The following SPIRE1 variants were observed in gnomAD, a reference collection of about 807,000 sequenced individuals.
SPIRE1 encodes the protein spire type actin nucleation factor 1.
SPIRE1 carries 40 observed loss-of-function variants against 94.1 expected under a neutral mutation model. That is an observed-to-expected ratio of 0.43 (90% CI 0.33 to 0.55). The LOEUF (loss-of-function observed/expected upper bound fraction) is 0.55. Ranked by LOEUF, SPIRE1 falls within the 20% of genes least tolerant of loss-of-function variation. The pLI is 0.06. For synonymous variants in SPIRE1, 376 were observed against 371.7 expected, an observed-to-expected ratio of 1.01 and a Z score of -0.13; for missense variants, 838 against 975.2, an observed-to-expected ratio of 0.86 and a Z score of 1.87.
At chr18:12,487,654 A>G (rs1408475573) in intron 8 of SPIRE1, among the ~76,000 whole-genome samples, 4 of 152,130 alleles carry the variant, frequency 2.6e-5, no homozygotes, top group Non-Finnish European at 4.4e-5. Context: ...GGCCTCCCAA[A>G]GTGCTAGGAT....
intron 2 of SPIRE1, among the ~76,000 whole-genome samples, chr18:12,551,308 T>C (rs1305296730): frequency 6.6e-6 from 1 of 152,216 alleles, no homozygotes; most frequent in Non-Finnish European, 1.5e-5. Context: ...TAAGTTGTTT[T>C]ATAACAGTAA....
chr18:12,632,001 T>C (rs1472767992), intron 2 of SPIRE1, among the ~76,000 whole-genome samples: 2 of 151,296 alleles, frequency 1.3e-5, no homozygotes, highest in Non-Finnish European at 2.9e-5. Flanking sequence ...GCCGTTATCA[T>C]GGCACTGCAC....
chr18:12,569,865 A>G (rs2035921275), intron 2 of SPIRE1, among the ~76,000 whole-genome samples: 1 of 152,222 alleles, frequency 6.6e-6, no homozygotes, highest in Admixed American at 6.5e-5. Flanking sequence ...AACCAATTGA[A>G]ATGGGGTAGA....
chr18:12,531,628 G>C (rs1262520219), intron 4 of SPIRE1, among the ~76,000 whole-genome samples: 1 of 152,136 alleles, frequency 6.6e-6, no homozygotes, highest in Non-Finnish European at 1.5e-5. Flanking sequence ...AGAGTCACAG[G>C]ATTGTTACAA....
chr18:12,466,890 C>A (rs982173557), intron 10 of SPIRE1, among the ~76,000 whole-genome samples: 8 of 152,110 alleles, frequency 5.3e-5, no homozygotes, highest in African/African-American at 1.9e-4. Context: ...CTAAAACCTA[C>A]TGCTGAAATC....
chr18:12,484,742 T>C (rs1382533074), intron 9 of SPIRE1, among the ~76,000 whole-genome samples: 1 of 152,108 alleles, frequency 6.6e-6, no homozygotes, highest in Non-Finnish European at 1.5e-5. Flanking sequence ...GCAAAATATT[T>C]TATTGGGATT....
At chr18:12,532,692 A>G (rs1197862719) in intron 4 of SPIRE1, among the ~76,000 whole-genome samples, 1 of 152,260 alleles carries the variant, frequency 6.6e-6, no homozygotes, top group Admixed American at 6.5e-5. Context: ...TTTTTGAGAA[A>G]AGGCTGAAAC....
In SPIRE1 at chr18:12,447,926, TA is replaced by T. The variant is rs2031024765; in HGVS notation, c.*1711del. The T allele has an allele frequency of 1.3e-5, 2 of 152,198 alleles. No individual in the cohort carries two copies. Among genetic ancestry groups the T allele is most frequent in the South Asian group, 4.1e-4 (2 of 4,832 alleles). 9.4% of individuals were successfully genotyped at this position (152,198 alleles called of 1,614,324 possible). A position where few individuals can be genotyped will look rare whatever the true frequency, so the allele number is the denominator to read the frequency against. ...AAAGGGGTAGATTTATACTCCCACC[TA>T]ACTGTCTGGAGTATAGAGTTCAGAT... On this transcript the variant is annotated 3_prime_UTR_variant, in exon 17 of 17. Coordinates refer to ENST00000409402, the MANE Select transcript of SPIRE1 (RefSeq NM_001128626.2).
At chr18:12,483,710 A>C (rs2032929516) in intron 9 of SPIRE1, among the ~76,000 whole-genome samples, 1 of 152,160 alleles carries the variant, frequency 6.6e-6, no homozygotes, top group Admixed American at 6.6e-5. Context: ...TCTTGTACTT[A>C]AGTTCAGAGT....
intron 2 of SPIRE1, among the ~76,000 whole-genome samples, chr18:12,596,555 A>G (rs1457422015): frequency 6.6e-6 from 1 of 152,196 alleles, no homozygotes; most frequent in Non-Finnish European, 1.5e-5. Flanking sequence ...TAGGCCACAT[A>G]AGTAATTGTA....
intron 5 of SPIRE1, among the ~76,000 whole-genome samples, chr18:12,510,824 GCCA>G (rs1222969390): frequency 1.3e-5 from 2 of 152,052 alleles, no homozygotes; most frequent in Non-Finnish European, 2.9e-5. Context: ...ACAGGTGTGA[GCCA>G]CCACACCTGT....
chr18:12,570,309 T>A (rs2035931686), intron 2 of SPIRE1, among the ~76,000 whole-genome samples: 1 of 152,204 alleles, frequency 6.6e-6, no homozygotes, highest in African/African-American at 2.4e-5. Context: ...ATAGATAGCG[T>A]AAGTCTTAAA....
intron 2 of SPIRE1, among the ~76,000 whole-genome samples, chr18:12,564,943 G>A: frequency 6.6e-6 from 1 of 152,020 alleles, no homozygotes; most frequent in East Asian, 1.9e-4. Flanking sequence ...TATGCAAAAG[G>A]TATAAATTAT....
At chr18:12,534,586 G>T (rs1858679118) in intron 4 of SPIRE1, among the ~76,000 whole-genome samples, 1 of 152,090 alleles carries the variant, frequency 6.6e-6, no homozygotes, top group African/African-American at 2.4e-5. Context: ...AACAGAGGAA[G>T]GAAAATTGGT....
intron 2 of SPIRE1, among the ~76,000 whole-genome samples, chr18:12,564,977 G>C (rs2035780706): frequency 6.6e-6 from 1 of 151,910 alleles, no homozygotes; most frequent in African/African-American, 2.4e-5. Context: ...AACAAAAGAA[G>C]AAAGAAAGAA....
chr18:12,476,634 C>CAT (rs548941029), intron 10 of SPIRE1, among the ~76,000 whole-genome samples: 112 of 138,578 alleles, frequency 8.1e-4, no homozygotes, highest in African/African-American at 2.9e-3. Flanking sequence ...TATATATACA[C>CAT]ATATATATAA....
At chr18:12,628,312 T>C (rs942151075) in intron 2 of SPIRE1, among the ~76,000 whole-genome samples, 4 of 152,210 alleles carry the variant, frequency 2.6e-5, no homozygotes, top group African/African-American at 7.2e-5. Context: ...GGGAATCCTT[T>C]CCCCATTTCT....
chr18:12,571,446 T>C (rs888652406), intron 2 of SPIRE1, among the ~76,000 whole-genome samples: 1 of 152,138 alleles, frequency 6.6e-6, no homozygotes, highest in Admixed American at 6.6e-5. Context: ...TCTAACACAT[T>C]ATCATGCCCA....
chr18:12,589,436 C>A (rs967097052), intron 2 of SPIRE1, among the ~76,000 whole-genome samples: 2 of 152,096 alleles, frequency 1.3e-5, no homozygotes, highest in Non-Finnish European at 2.9e-5. Flanking sequence ...GCCAGGGTGT[C>A]CGGTGGAGAA....
Sources: gnomAD v4.1 joint callset for allele counts (sites outside exome capture counted in the v4.1 genomes callset) on GRCh38, gnomAD v4.1.1 for gene constraint, MANE v1.5 for transcripts, NCBI Gene and HGNC (gene_info 2026-07-23, HGNC 2026-07-21) for gene names.